The following PUM2 variants were observed in gnomAD, a reference collection of about 807,000 sequenced individuals.
The protein encoded by PUM2 is pumilio RNA binding family member 2.
Under a neutral mutation model 124.5 loss-of-function variants are expected in PUM2, and 57 were observed. The ratio of observed to expected loss-of-function variants is 0.46; its 90% confidence interval spans 0.37 to 0.57. The LOEUF (loss-of-function observed/expected upper bound fraction) is 0.57, where lower values mean the gene tolerates loss of function less well. PUM2 is among the 20% of genes least tolerant of loss of function. PUM2 has a pLI of 0.00. For synonymous variants in PUM2, 460 were observed against 446.1 expected, an observed-to-expected ratio of 1.03 and a Z score of -0.39; for missense variants, 1,065 against 1,290.6, an observed-to-expected ratio of 0.83 and a Z score of 2.68.
At chr2:20,286,769 T>C (rs1672839746) in intron 10 of PUM2, among the ~76,000 whole-genome samples, 1 of 152,330 alleles carries the variant, frequency 6.6e-6, no homozygotes, top group Non-Finnish European at 1.5e-5. Flanking sequence ...AATTTTCTAA[T>C]GTAATCATTA....
intron 10 of PUM2, among the ~76,000 whole-genome samples, chr2:20,289,098 C>T (rs923126676): frequency 3.3e-5 from 5 of 151,384 alleles, no homozygotes; most frequent in African/African-American, 7.3e-5. Context: ...CAAGACCAGC[C>T]GGCCAATATG....
At chr2:20,299,135 A>T (rs1676351993) in intron 7 of PUM2, among the ~76,000 whole-genome samples, 1 of 152,226 alleles carries the variant, frequency 6.6e-6, no homozygotes, top group Non-Finnish European at 1.5e-5. Context: ...ACTTGAAGCC[A>T]GTCGGTCAGA....
At chr2:20,286,711 T>C (rs1008883147) in intron 10 of PUM2, among the ~76,000 whole-genome samples, 1 of 152,038 alleles carries the variant, frequency 6.6e-6, no homozygotes, top group Non-Finnish European at 1.5e-5. Context: ...TTCTCTCTCT[T>C]TTTTTTAGAG....
chr2:20,335,625 T>G (rs1685833670), intron 1 of PUM2, among the ~76,000 whole-genome samples: 1 of 152,012 alleles, frequency 6.6e-6, no homozygotes. Flanking sequence ...CATGGGGGAG[T>G]TACCTCTGCT....
At chr2:20,290,859 CTG>C in intron 9 of PUM2, 69 bp from the exon 10 acceptor site, 3 of 1,242,642 alleles carry the variant, frequency 2.4e-6, no homozygotes, top group Non-Finnish European at 3.2e-6. Context: ...TCTTGGACAA[CTG>C]TGTATTTATT....
rs1662582030 is a variant in PUM2, at chr2:20,248,762, CAT to C, written c.*2821_*2822del. Reference sequence around the variant, plus strand: ...TTTATTTCATACAATGTTATTCACACATTTTTCATTTTCTAATTTATACATAA... The same window carrying C: ...TTTATTTCATACAATGTTATTCACACTTTTCATTTTCTAATTTATACATAA... On this transcript the variant is annotated 3_prime_UTR_variant, in exon 21 of 21. Coordinates refer to ENST00000361078, the MANE Select transcript of PUM2 (RefSeq NM_015317.5). The C allele has an allele frequency of 6.6e-6, 1 of 152,604 alleles. No individual in the cohort carries two copies. Among genetic ancestry groups the C allele is most frequent in the Non-Finnish European group, 1.5e-5 (1 of 68,040 alleles). 9.5% of individuals were successfully genotyped at this position (152,604 alleles called of 1,614,324 possible). A position where few individuals can be genotyped will look rare whatever the true frequency, so the allele number is the denominator to read the frequency against.
intron 2 of PUM2, among the ~76,000 whole-genome samples, chr2:20,323,010 G>GGAAGTAGTACTGTACA (rs1028852351): frequency 1.3e-5 from 2 of 152,136 alleles, no homozygotes; most frequent in Admixed American, 6.5e-5. Context: ...ACTTCCAACA[G>GGAAGTAGTACTGTACA]GAAGTAGTAC....
At chr2:20,313,800 T>A (rs550874365) in intron 3 of PUM2, among the ~76,000 whole-genome samples, 1 of 132,194 alleles carries the variant, frequency 7.6e-6, no homozygotes, top group African/African-American at 2.9e-5. Flanking sequence ...CACACCACTG[T>A]ACTCCACTCT....
intron 2 of PUM2, among the ~76,000 whole-genome samples, chr2:20,323,404 C>T (rs1183054314): frequency 2.0e-5 from 3 of 148,280 alleles, no homozygotes; most frequent in Admixed American, 6.8e-5. Flanking sequence ...GCCAAGATTG[C>T]GCCACTGCAC....
At chr2:20,280,420 T>C (rs1671245718) in intron 12 of PUM2, among the ~76,000 whole-genome samples, 2 of 152,284 alleles carry the variant, frequency 1.3e-5, no homozygotes, top group African/African-American at 4.8e-5. Flanking sequence ...AAACTGGCAA[T>C]GTATGCTACA....
intron 13 of PUM2, among the ~76,000 whole-genome samples, chr2:20,270,100 A>AT (rs1311225471): frequency 2.0e-5 from 3 of 152,166 alleles, no homozygotes; most frequent in Non-Finnish European, 4.4e-5. Context: ...ACACAAGAAC[A>AT]TTTTAAAAAA....
At chr2:20,266,389 G>A (rs771515645) in intron 13 of PUM2, among the ~76,000 whole-genome samples, 6 of 151,542 alleles carry the variant, frequency 4.0e-5, no homozygotes, top group African/African-American at 9.7e-5. Flanking sequence ...AGGTTGCAAT[G>A]AGATGAGATT....
At chr2:20,294,323 G>T in intron 9 of PUM2, 53 bp downstream of exon 9, 1 of 1,583,476 alleles carries the variant, frequency 6.3e-7, no homozygotes, top group Non-Finnish European at 8.6e-7. Flanking sequence ...AACATTAGGA[G>T]CTCAAAGAAT....
At chr2:20,281,620 G>A (rs369455297) in intron 12 of PUM2, among the ~76,000 whole-genome samples, 26 of 152,154 alleles carry the variant, frequency 1.7e-4, no homozygotes, top group African/African-American at 5.8e-4. Flanking sequence ...TTAGAAACAA[G>A]GAATGAGTCC....
chr2:20,273,445 A>T (rs1236858939), intron 13 of PUM2, among the ~76,000 whole-genome samples: 1 of 152,148 alleles, frequency 6.6e-6, no homozygotes, highest in Non-Finnish European at 1.5e-5. Flanking sequence ...TAAGTAAATT[A>T]ACTGGTGAAA....
In PUM2 at chr2:20,345,002, A is replaced by AAAG; in HGVS notation, c.-19+5592_-19+5594dup. ...TGTCTCAAAAAAAAAAAAAAAAAAA[A>AAAG]AAGAAAAGAAGATTCCGCTTTACCT... On this transcript the variant is annotated intron_variant, in intron 1 of 20. Transcript: ENST00000361078. Among the ~76,000 whole-genome samples, 3 of 149,712 alleles carry AAAG rather than the reference A, an allele frequency of 2.0e-5. No individual in the cohort carries two copies. In the East Asian group the frequency reaches 5.8e-4, roughly 29 times the overall value.
Position 20,308,536 on chromosome 2 carries a change from G to A in PUM2, c.567C>T (p.Arg189=). Reference sequence around the variant, plus strand: ...CTGAGGGATTAGTATTGGGGCCCAAGCGCTCAACTACTTCAGTTGGAGAGG... The same window carrying A: ...CTGAGGGATTAGTATTGGGGCCCAAACGCTCAACTACTTCAGTTGGAGAGG... ...RQASPTEVVE[R]LGPNTNPSEG... The change falls in exon 6 of 21, where the codon CGC becomes CGT. Residue 189 remains arginine (R), a synonymous_variant. Coordinates refer to ENST00000361078, the MANE Select transcript of PUM2 (RefSeq NM_015317.5). The A allele has an allele frequency of 6.2e-7, 1 of 1,614,000 alleles. No homozygotes were observed. The highest frequency in any genetic ancestry group is 8.5e-7 in the Non-Finnish European group (1 of 1,179,866).
intron 3 of PUM2, among the ~76,000 whole-genome samples, chr2:20,314,847 T>C (rs1680495590): frequency 6.6e-6 from 1 of 151,586 alleles, no homozygotes; most frequent in Non-Finnish European, 1.5e-5. Flanking sequence ...TCCTCAAGAG[T>C]ACAGGTTTAA....
At chr2:20,334,791 C>T (rs1685643389) in intron 1 of PUM2, among the ~76,000 whole-genome samples, 1 of 152,166 alleles carries the variant, frequency 6.6e-6, no homozygotes, top group African/African-American at 2.4e-5. Flanking sequence ...CACTACTTCT[C>T]CAAGTCTGTC....
Sources: allele counts gnomAD v4.1 joint callset (sites outside exome capture counted in the v4.1 genomes callset), GRCh38; gene constraint gnomAD v4.1.1; transcripts MANE v1.5; gene names NCBI Gene and HGNC (gene_info 2026-07-23, HGNC 2026-07-21).